Variants in KLC2 observed in about 807,000 individuals in gnomAD.
KLC2 encodes KLC 2.
Under a neutral mutation model 75.1 loss-of-function variants are expected in KLC2, and 35 were observed. The ratio of observed to expected loss-of-function variants is 0.47; its 90% CI spans 0.36 to 0.62. The LOEUF is 0.62. Among genes scored for constraint, KLC2 ranks in the 20% least tolerant of loss-of-function variants. KLC2 has a pLI of 0.00. For missense variants in KLC2, 611 were observed against 833.2 expected, an observed-to-expected ratio of 0.73 and a Z score of 3.28; for synonymous variants, 314 against 336.7, an observed-to-expected ratio of 0.93 and a Z score of 0.74.
chr11:66,264,716 C>T (rs1565174363), intron 9 of KLC2: 1 of 583,464 alleles, frequency 1.7e-6, no homozygotes, highest in East Asian at 2.9e-5. Flanking sequence ...TGAGGGCCTG[C>T]CCCAGTGTCT....
the KLC2 span, among the ~76,000 whole-genome samples, chr11:66,248,170 T>C: frequency 6.6e-6 from 1 of 152,246 alleles, no homozygotes; most frequent in Non-Finnish European, 1.5e-5. Context: ...TTAAGTAAAC[T>C]ATTTTAGAAT....
chr11:66,266,886 G>A lies in KLC2; in HGVS notation c.1799G>A (p.Gly600Asp), dbSNP rs1565177396. The A allele has an allele frequency of 6.2e-7, 1 of 1,613,438 alleles. No individual in the cohort carries two copies. The highest frequency in any genetic ancestry group is 8.5e-7 in the Non-Finnish European group (1 of 1,180,004). ...VEEPTQPGGT[G>D]LSDSRTLSSS... is the part of the protein sequence containing the mutation. ...CTCTGCCCACAGCCTGGAGGCACAG[G>A]TCTCTCTGACAGCCGCACTCTCAGC... Residue 600 changes from glycine to aspartate, a missense_variant, in exon 16 of 16, where the codon GGT (glycine) becomes GAT (aspartate). By Grantham distance (94) the Gly-to-Asp change is moderately conservative (BLOSUM62 -1). Coordinates refer to ENST00000394067, the MANE Select transcript of KLC2 (RefSeq NM_001318734.2).
chr11:66,250,993 C>T, the KLC2 span, among the ~76,000 whole-genome samples: 1 of 152,196 alleles, frequency 6.6e-6, no homozygotes, highest in African/African-American at 2.4e-5. Flanking sequence ...AGTGAGACGA[C>T]ATATTTCAGA....
Position 66,265,856 on chromosome 11 carries a change from T to A in KLC2, c.1446T>A (p.Gly482=). 6.3e-7 allele frequency: 1 copy of A among 1,576,698 alleles called. No individual in the cohort carries two copies. Among genetic ancestry groups the A allele is most frequent in the Non-Finnish European group, 8.6e-7 (1 of 1,157,114 alleles). The change falls in exon 13 of 16, where the codon GGT becomes GGA. Residue 482 remains glycine (G), a splice_region_variant and synonymous_variant. Coordinates refer to ENST00000394067, the MANE Select transcript of KLC2 (RefSeq NM_001318734.2). ...EDCASRNRKQ[G]LDPASQTKVV... is the part of the protein sequence containing the mutation. ...TGATGCCCCTGCCCCTCCCTCAGGG[T>A]TTGGACCCCGCAAGCCAGACCAAGG...
chr11:66,267,472 C>G lies in KLC2; in HGVS notation c.*516C>G. On this transcript the variant is annotated 3_prime_UTR_variant, in exon 16 of 16. Transcript: ENST00000394067. ...ATTCCGTGCGGTGGTATCTCCCAGG[C>G]TCTACATTCTCGGGAGCGGCGCCTC... The G allele has an allele frequency of 1.4e-6, 1 of 707,644 alleles. No individual in the cohort carries two copies. The highest frequency in any genetic ancestry group is 1.5e-5 in the South Asian group (1 of 67,202). The allele number at this position is 707,644 out of a possible 1,614,324, so 43.8% of individuals were successfully genotyped here.
At chr11:66,264,480 C>T (rs777318410) in intron 9 of KLC2, 36 bp downstream of exon 9, 1 of 1,434,958 alleles carries the variant, frequency 7.0e-7, no homozygotes, top group South Asian at 1.2e-5. Flanking sequence ...CTAGCCCATC[C>T]ATCCCAGGCC....
rs757209083 is a variant in KLC2 at position 66,261,695 on chromosome 11, C to T, written c.229-47C>T. On this transcript the variant is annotated intron_variant, in intron 2 of 15. Coordinates refer to ENST00000394067, the MANE Select transcript of KLC2 (RefSeq NM_001318734.2). Reference sequence around the variant, plus strand: ...ACTAGGCCCAGGCTACAGTCATAGGCGAGGGGGTCGACAGGCCTCCGACCC... The same window carrying T: ...ACTAGGCCCAGGCTACAGTCATAGGTGAGGGGGTCGACAGGCCTCCGACCC... The T allele has an allele frequency of 9.9e-6, 13 of 1,308,046 alleles. No homozygotes were observed. The African/African-American group carries it at 1.2e-4, about 12-fold the overall frequency. The allele number at this position is 1,308,046 out of a possible 1,614,324, so 81.0% of individuals were successfully genotyped here. A position where few individuals can be genotyped will look rare whatever the true frequency, so the allele number is the denominator to read the frequency against.
At chr11:66,262,256 C>CAA in intron 4 of KLC2, 64 bp downstream of exon 4, 3 of 1,303,108 alleles carry the variant, frequency 2.3e-6, no homozygotes, top group Non-Finnish European at 3.3e-6. Flanking sequence ...TCCTTGGGAC[C>CAA]GAGTGGCTGC....
chr11:66,255,771 G>GTTT (rs67560291), upstream of KLC2, among the ~76,000 whole-genome samples: 1 of 140,550 alleles, frequency 7.1e-6, no homozygotes, highest in Non-Finnish European at 1.5e-5. Flanking sequence ...TTTTTTTTTA[G>GTTT]TTTTTTTTTT....
intron 5 of KLC2, 137 bp downstream of exon 5, chr11:66,263,173 A>G (rs1303785050): frequency 1.6e-5 from 10 of 643,270 alleles, no homozygotes; most frequent in Non-Finnish European, 1.9e-5. Flanking sequence ...AAAACTGTCT[A>G]GTGTAAGAGA....
chr11:66,265,972 C>G lies in KLC2; in HGVS notation c.1562C>G (p.Ser521Cys). The part of the protein sequence containing the change: ...MAGGAGPRSE[S>C]DLEDVGPTAE... ...GGGGGTGCCGGGCCTCGGTCTGAGT[C>G]TGACCTCGAGGACGTGGGACCTACA... Residue 521 changes from serine (S) to cysteine (C), a missense_variant, in exon 13 of 16, where the codon TCT (serine) becomes TGT (cysteine). Coordinates refer to ENST00000394067, the MANE Select transcript of KLC2 (RefSeq NM_001318734.2). 1 of 1,609,256 alleles carries G rather than the reference C, an allele frequency of 6.2e-7. No homozygotes were observed. Among genetic ancestry groups the G allele is most frequent in the Non-Finnish European group, 8.5e-7 (1 of 1,176,610 alleles).
At position 66,263,648 on chromosome 11, in the gene KLC2, A is replaced by G. The variant is rs750673827; in HGVS notation, c.753-12A>G. On this transcript the variant is annotated splice_polypyrimidine_tract_variant and intron_variant, in intron 5 of 15. Coordinates refer to ENST00000394067, the MANE Select transcript of KLC2 (RefSeq NM_001318734.2). ...GGAGGACAGCCCTGACCATGCTCCT[A>G]CCTGCTCCCAGGGATCAGAACAAGT... is the stretch of plus-strand genomic sequence containing the variant. 1.6e-5 allele frequency: 25 copies of G among 1,601,724 alleles called. 1 individual carries two copies. The highest frequency in any genetic ancestry group is 2.1e-5 in the Non-Finnish European group (24 of 1,169,004).
chr11:66,250,391 T>A, the KLC2 span, among the ~76,000 whole-genome samples: 1 of 152,172 alleles, frequency 6.6e-6, no homozygotes, highest in Non-Finnish European at 1.5e-5. Context: ...TGCACACATA[T>A]CGGCTGAGAA....
the KLC2 span, among the ~76,000 whole-genome samples, chr11:66,245,626 GA>G: frequency 6.6e-6 from 1 of 151,908 alleles, no homozygotes; most frequent in African/African-American, 2.4e-5. Flanking sequence ...TGAGGCAGGA[GA>G]ATCACTTGAA....
At chr11:66,262,074 G>T in intron 3 of KLC2, 49 bp from the exon 4 acceptor site, 1 of 1,597,264 alleles carries the variant, frequency 6.3e-7, no homozygotes, top group Non-Finnish European at 8.6e-7. Context: ...TGGACACCCC[G>T]GCTGCCCTGT....
chr11:66,264,517 A>C, intron 9 of KLC2, 73 bp downstream of exon 9: 3 of 1,113,878 alleles, frequency 2.7e-6, no homozygotes, highest in Non-Finnish European at 4.1e-6. Flanking sequence ...CCCAGGACAA[A>C]TCCCTCAGCA....
chr11:66,262,220 G>A, intron 4 of KLC2, 28 bp downstream of exon 4: 1 of 1,590,022 alleles, frequency 6.3e-7, no homozygotes, highest in Non-Finnish European at 8.6e-7. Context: ...TGGAGTGGGG[G>A]AAGGAAAGGT....
intron 2 of KLC2, 195 bp from the exon 3 acceptor site, chr11:66,261,547 T>G: frequency 1.8e-6 from 1 of 557,212 alleles, no homozygotes; most frequent in Non-Finnish European, 3.2e-6. Context: ...GCCTCCTGGG[T>G]TTGGGCTTTG....
chr11:66,253,590 G>T (rs573708005), upstream of KLC2, among the ~76,000 whole-genome samples: 1 of 152,344 alleles, frequency 6.6e-6, no homozygotes, highest in Non-Finnish European at 1.5e-5. Flanking sequence ...TTTACTGAGT[G>T]CCCATCAGCA....
Sources: allele counts gnomAD v4.1 joint callset (sites outside exome capture counted in the v4.1 genomes callset), GRCh38; gene constraint gnomAD v4.1.1; transcripts MANE v1.5; gene names NCBI Gene and HGNC (gene_info 2026-07-23, HGNC 2026-07-21).